Variants in PRR11 observed in about 807,000 individuals in gnomAD.
PRR11 encodes proline-rich protein 11.
Under a neutral mutation model 45.6 loss-of-function variants are expected in PRR11, and 30 were observed. The ratio of observed to expected loss-of-function variants is 0.66; its 90% confidence interval spans 0.49 to 0.89. The LOEUF is 0.89. PRR11 is among the 40% of genes least tolerant of loss of function. PRR11 has a pLI of 0.00. For missense variants in PRR11, 373 were observed against 424.8 expected, an observed-to-expected ratio of 0.88 and a Z score of 1.07; for synonymous variants, 128 against 153.5, an observed-to-expected ratio of 0.83 and a Z score of 1.23.
chr17:59,193,200 C>A (rs541699101), intron 4 of PRR11, among the ~76,000 whole-genome samples: 1 of 152,268 alleles, frequency 6.6e-6, no homozygotes, highest in East Asian at 1.9e-4. Context: ...TGTGCACCAC[C>A]ATTCCTGGCC....
rs763581325 is a variant in PRR11, at chr17:59,193,544, G to C, written c.455G>C (p.Ser152Thr). Reference sequence around the variant, plus strand: ...AGCTGTGGTCAAACATGTCACATGAGTGGTAAACTTACAAATGTGCCTGCC... The same window carrying C: ...AGCTGTGGTCAAACATGTCACATGACTGGTAAACTTACAAATGTGCCTGCC... ...CPSCGQTCHM[S>T]GKLTNVPACV... The change falls in exon 5 of 10, where the codon AGT becomes ACT. Residue 152 changes from serine to threonine, a missense_variant. Ser to Thr is a moderately conservative substitution (Grantham distance 58). Transcript: ENST00000262293. The C allele has an allele frequency of 6.2e-7, 1 of 1,614,166 alleles. No individual in the cohort carries two copies. Among genetic ancestry groups the C allele is most frequent in the Admixed American group, 1.7e-5 (1 of 60,014 alleles).
At chr17:59,157,492 A>G (rs1363876036) in intron 1 of PRR11, among the ~76,000 whole-genome samples, 1 of 152,192 alleles carries the variant, frequency 6.6e-6, no homozygotes, top group Non-Finnish European at 1.5e-5. Context: ...ACTTGAGGTA[A>G]GGAGTTCAAG....
At chr17:59,170,473 G>A (rs1342830200) in intron 2 of PRR11, among the ~76,000 whole-genome samples, 1 of 151,794 alleles carries the variant, frequency 6.6e-6, no homozygotes, top group Non-Finnish European at 1.5e-5. Flanking sequence ...CATGATCAAG[G>A]CTCACTGCAG....
In PRR11 at chr17:59,193,632, C is replaced by G. The variant is rs1449186329; in HGVS notation, c.543C>G (p.Ala181=). Residue 181 remains alanine, a synonymous_variant, in exon 5 of 10, where the codon GCC becomes GCG. Transcript: ENST00000262293. The part of the protein sequence containing the change: ...AVLPPTLPQP[A]SHFPPPPPPP... The stretch of plus-strand genomic sequence containing the variant: ...TTCCTCCCACACTGCCACAGCCAGC[C>G]AGCCATTTTCCTCCTCCTCCTCCAC... 2 of 1,614,044 alleles carry G rather than the reference C, an allele frequency of 1.2e-6. No homozygotes were observed. Among genetic ancestry groups the G allele is most frequent in the Non-Finnish European group, 1.7e-6 (2 of 1,180,034 alleles).
chr17:59,182,713 A>G (rs1166976943), intron 2 of PRR11, among the ~76,000 whole-genome samples: 2 of 151,840 alleles, frequency 1.3e-5, no homozygotes, highest in African/African-American at 2.4e-5. Flanking sequence ...ACCTTAGTCA[A>G]TCCTATCCCA....
chr17:59,157,558 CG>C (rs1385993794), intron 1 of PRR11, among the ~76,000 whole-genome samples: 1 of 152,028 alleles, frequency 6.6e-6, no homozygotes, highest in African/African-American at 2.4e-5. Flanking sequence ...AAAAATTATC[CG>C]GGTGTGGTGG....
At chr17:59,165,466 A>G (rs2046675058) in intron 1 of PRR11, among the ~76,000 whole-genome samples, 1 of 152,054 alleles carries the variant, frequency 6.6e-6, no homozygotes, top group Non-Finnish European at 1.5e-5. Flanking sequence ...CCTCCTGAAT[A>G]GCTCGGACTA....
At chr17:59,158,110 G>C (rs2046634903) in intron 1 of PRR11, among the ~76,000 whole-genome samples, 1 of 152,148 alleles carries the variant, frequency 6.6e-6, no homozygotes, top group Admixed American at 6.6e-5. Flanking sequence ...ATCAGTTCTG[G>C]TATGGAAAAT....
At chr17:59,199,667 T>A (rs1306192296) in intron 9 of PRR11, among the ~76,000 whole-genome samples, 4 of 152,220 alleles carry the variant, frequency 2.6e-5, no homozygotes, top group Non-Finnish European at 4.4e-5. Context: ...CTTTGAAGTT[T>A]ATAGTTCGTT....
Position 59,181,694 on chromosome 17 carries a change from T to C in PRR11, c.129-3360T>C. 9 of 1,550,520 alleles carry C rather than the reference T, an allele frequency of 5.8e-6. No individual in the cohort carries two copies. In the South Asian group the frequency reaches 1.0e-4, roughly 17 times the overall value. On this transcript the variant is annotated intron_variant, in intron 2 of 9. Transcript: ENST00000262293. ...TCCTCAGATTGGTCCGACCACTCCC[T>C]CTTCCTTTTCCAGCAAAGGGACCTA...
chr17:59,202,973 A>G lies in PRR11; in HGVS notation c.*1342A>G, dbSNP rs998930370. 2.6e-5 allele frequency: 4 copies of G among 151,952 alleles called. No individual in the cohort carries two copies. In the East Asian group the frequency reaches 7.8e-4, roughly 30 times the overall value. The allele number at this position is 151,952 out of a possible 1,614,324, so 9.4% of individuals were successfully genotyped here. ...CACTTGAGCCCAAGAGTTTGAAGCT[A>G]TGGTGAGCTATGATTGTTCCACTAT... is the stretch of plus-strand genomic sequence containing the variant. On this transcript the variant is annotated 3_prime_UTR_variant, in exon 10 of 10. Coordinates refer to ENST00000262293, the MANE Select transcript of PRR11 (RefSeq NM_018304.4).
intron 1 of PRR11, among the ~76,000 whole-genome samples, chr17:59,161,092 G>A (rs150877744): frequency 1.1e-3 from 164 of 152,078 alleles, no homozygotes; most frequent in African/African-American, 3.5e-3. Context: ...TGAGAAAGCA[G>A]TGTAAGAAAA....
At chr17:59,183,166 A>G (rs2046797329) in intron 2 of PRR11, among the ~76,000 whole-genome samples, 1 of 152,096 alleles carries the variant, frequency 6.6e-6, no homozygotes, top group South Asian at 2.1e-4. Context: ...TCCTGGGTGA[A>G]TGGTATCTCC....
chr17:59,182,660 T>C (rs1009179835), intron 2 of PRR11, among the ~76,000 whole-genome samples: 1 of 152,068 alleles, frequency 6.6e-6, no homozygotes, highest in Non-Finnish European at 1.5e-5. Context: ...CCCAAAGTGT[T>C]AGGGTTACAG....
rs147169945 is a variant in PRR11 at position 59,185,477 on chromosome 17, G to T, written c.317G>T (p.Arg106Leu). ...TTGAAAGACACCATCTTTCCATCTC[G>T]TATCTGCCACCGAGAACTTTACAGT... Reference protein sequence around the residue: ...EVLKDTIFPSRICHRELYSVK... With the variant: ...EVLKDTIFPSLICHRELYSVK... Residue 106 changes from arginine (R) to leucine (L), a missense_variant, in exon 4 of 10, where the codon CGT becomes CTT. Physicochemically the swap from Arg to Leu is moderately radical, Grantham distance 102. Transcript: ENST00000262293. The T allele has an allele frequency of 1.3e-6, 2 of 1,583,086 alleles. No individual in the cohort carries two copies. The highest frequency in any genetic ancestry group is 2.3e-5 in the East Asian group (1 of 43,692).
chr17:59,181,853 A>T (rs2046788800), intron 2 of PRR11: 2 of 1,448,974 alleles, frequency 1.4e-6, no homozygotes, highest in Middle Eastern at 2.5e-4. Flanking sequence ...CCAGCCTTGC[A>T]GACTGTTGGC....
At chr17:59,196,957 C>A (rs915991433) in intron 7 of PRR11, among the ~76,000 whole-genome samples, 11 of 151,964 alleles carry the variant, frequency 7.2e-5, no homozygotes, top group Non-Finnish European at 2.9e-5. Context: ...TCAAGCAATT[C>A]TCTGCCTCAG....
Position 59,190,921 on chromosome 17 carries a change from G to A in PRR11, c.403-2571G>A, listed in dbSNP as rs371319827. On this transcript the variant is annotated intron_variant, in intron 4 of 9. Coordinates refer to ENST00000262293, the MANE Select transcript of PRR11 (RefSeq NM_018304.4). ...CCAGGTGCTTTTATACCAGAAGGAG[G>A]AATGGCTACAGGTGAGGGCTAGTCC... Among the ~76,000 whole-genome samples the A allele has an allele frequency of 6.8e-4, 103 of 152,340 alleles. 1 individual carries two copies. The South Asian group carries it at 0.02, about 29-fold the overall frequency.
At chr17:59,164,943 C>T (rs1284079741) in intron 1 of PRR11, among the ~76,000 whole-genome samples, 1 of 151,760 alleles carries the variant, frequency 6.6e-6, no homozygotes, top group African/African-American at 2.4e-5. Flanking sequence ...CAGGCAGCCA[C>T]AAGATCGCTC....
Sources: gnomAD v4.1 joint callset for allele counts (sites outside exome capture counted in the v4.1 genomes callset) on GRCh38, gnomAD v4.1.1 for gene constraint, MANE v1.5 for transcripts, NCBI Gene and HGNC (gene_info 2026-07-23, HGNC 2026-07-21) for gene names.